The following ME3 variants were observed in gnomAD, a reference collection of about 807,000 sequenced individuals.
The protein encoded by ME3 is malic enzyme 3.
In ME3, 48 loss-of-function variants were observed where a neutral mutation model predicts 68.9. That is an observed-to-expected ratio of 0.70 (90% CI 0.55 to 0.89). ME3 has a LOEUF of 0.89. ME3 is among the 40% of genes least tolerant of loss of function. ME3 has a pLI of 0.00. For synonymous variants in ME3, 320 were observed against 318.8 expected (o/e 1.00, Z -0.04); for missense variants, 675 against 797.4 (o/e 0.85, Z 1.85).
intron 4 of ME3, among the ~76,000 whole-genome samples, chr11:86,546,929 A>G (rs1169017263): frequency 1.3e-5 from 2 of 151,518 alleles, no homozygotes; most frequent in Admixed American, 6.6e-5. Flanking sequence ...ATGCCCATCA[A>G]TGATAGACTG....
At position 86,518,002 on chromosome 11, in the gene ME3, G is replaced by A. The variant is rs11234671; in HGVS notation, c.468-9135C>T. On this transcript the variant is annotated intron_variant, in intron 4 of 14. Transcript: ENST00000543262. ...ATATATATCAGGAACATGACCTAGG[G>A]CTTGGCATGTGGTAAATTCTCCAAA... 5.9e-5 allele frequency among the ~76,000 whole-genome samples: 9 copies of A among 152,302 alleles called. No individual in the cohort carries two copies. The East Asian group carries it at 9.6e-4, about 16-fold the overall frequency.
chr11:86,645,821 G>C (rs1007426781), intron 2 of ME3, among the ~76,000 whole-genome samples: 1 of 152,164 alleles, frequency 6.6e-6, no homozygotes, highest in Non-Finnish European at 1.5e-5. Flanking sequence ...CATCTGGGAG[G>C]TGCCCCTCTG....
At chr11:86,528,182 C>T (rs1250037867) in intron 4 of ME3, among the ~76,000 whole-genome samples, 1 of 151,656 alleles carries the variant, frequency 6.6e-6, no homozygotes, top group Non-Finnish European at 1.5e-5. Context: ...AAATGGAAAA[C>T]AAAAAAAGGC....
intron 2 of ME3, among the ~76,000 whole-genome samples, chr11:86,627,093 T>C (rs1421863031): frequency 6.6e-6 from 1 of 152,182 alleles, no homozygotes; most frequent in South Asian, 2.1e-4. Flanking sequence ...ACTTAAGAAC[T>C]GCTGTGGTCA....
intron 7 of ME3, among the ~76,000 whole-genome samples, chr11:86,477,641 A>G (rs969824259): frequency 6.6e-6 from 1 of 152,148 alleles, no homozygotes; most frequent in African/African-American, 2.4e-5. Context: ...CTGCTAAGAG[A>G]AAATGAAAAG....
intron 4 of ME3, among the ~76,000 whole-genome samples, chr11:86,555,709 T>C (rs1201453301): frequency 6.6e-6 from 1 of 152,214 alleles, no homozygotes; most frequent in Non-Finnish European, 1.5e-5. Flanking sequence ...AAGATTGTTT[T>C]TCCAAATTAA....
intron 4 of ME3, among the ~76,000 whole-genome samples, chr11:86,535,554 T>C (rs1473140860): frequency 6.6e-6 from 1 of 152,218 alleles, no homozygotes; most frequent in Non-Finnish European, 1.5e-5. Flanking sequence ...GGATAAAGTC[T>C]ATCCTTTATC....
chr11:86,449,298 C>T (rs1027135342), intron 10 of ME3, among the ~76,000 whole-genome samples: 2 of 152,200 alleles, frequency 1.3e-5, no homozygotes, highest in African/African-American at 2.4e-5. Context: ...GACTGTTTCT[C>T]TCTCATTCAT....
At chr11:86,656,516 C>T (rs565979520) in intron 2 of ME3, among the ~76,000 whole-genome samples, 151 of 149,384 alleles carry the variant, frequency 1.0e-3, no homozygotes, top group Middle Eastern at 3.5e-3. Context: ...CCAAACACTT[C>T]ATGTTCTCAC....
intron 5 of ME3, among the ~76,000 whole-genome samples, chr11:86,502,342 T>C (rs763768298): frequency 7.2e-5 from 11 of 152,212 alleles, no homozygotes; most frequent in Admixed American, 5.2e-4. Context: ...CCTTGTATTA[T>C]AGTTATGTAC....
intron 2 of ME3, among the ~76,000 whole-genome samples, chr11:86,620,029 T>C (rs996941255): frequency 6.6e-6 from 1 of 152,112 alleles, no homozygotes; most frequent in African/African-American, 2.4e-5. Flanking sequence ...AACATGTCAG[T>C]ATTTTTTACA....
intron 2 of ME3, among the ~76,000 whole-genome samples, chr11:86,598,466 C>A (rs559340178): frequency 1.3e-5 from 2 of 152,216 alleles, no homozygotes; most frequent in Non-Finnish European, 2.9e-5. Context: ...CTGGGTGGAG[C>A]CCACCACAGC....
At chr11:86,462,694 G>T in intron 8 of ME3, 1 of 830,394 alleles carries the variant, frequency 1.2e-6, no homozygotes, top group Non-Finnish European at 1.8e-6. Context: ...AACAAGAATG[G>T]ATAAGGCATG....
intron 2 of ME3, among the ~76,000 whole-genome samples, chr11:86,654,407 T>A (rs1339759408): frequency 2.0e-5 from 3 of 152,228 alleles, no homozygotes; most frequent in Non-Finnish European, 4.4e-5. Flanking sequence ...CATGATCAAG[T>A]GGGCTTCACC....
intron 4 of ME3, among the ~76,000 whole-genome samples, chr11:86,515,737 G>A (rs1452390288): frequency 6.6e-6 from 1 of 152,112 alleles, no homozygotes; most frequent in Admixed American, 6.5e-5. Context: ...TCATTTAGGT[G>A]CCAAGGAGCT....
downstream of ME3, chr11:86,436,299 T>G (rs2138562351): frequency 6.6e-6 from 1 of 152,306 alleles, no homozygotes; most frequent in South Asian, 2.1e-4. Context: ...TGTTAGCCAT[T>G]CACCTATCTT....
At chr11:86,568,517 G>A (rs1301843641) in intron 2 of ME3, among the ~76,000 whole-genome samples, 2 of 152,188 alleles carry the variant, frequency 1.3e-5, no homozygotes, top group African/African-American at 4.8e-5. Flanking sequence ...TTCAGCTACT[G>A]AACTCTATTT....
chr11:86,560,726 A>ATGTGTGTG (rs763026313), intron 2 of ME3, among the ~76,000 whole-genome samples: 3 of 106,070 alleles, frequency 2.8e-5, no homozygotes, highest in South Asian at 3.1e-4. Context: ...GTGTGTGTGT[A>ATGTGTGTG]TGTGTGTGTG....
At chr11:86,637,349 C>CAAAAAAAAAAAAAAAAAAAAAAACCAAA (rs11402713) in intron 2 of ME3, among the ~76,000 whole-genome samples, 1 of 122,080 alleles carries the variant, frequency 8.2e-6, no homozygotes, top group Non-Finnish European at 1.7e-5. Context: ...ACAAGAAGCA[C>CAAAAAAAAAAAAAAAAAAAAAAACCAAA]AAAAAAAAAA....
Sources: allele counts gnomAD v4.1 joint callset (sites outside exome capture counted in the v4.1 genomes callset), GRCh38; gene constraint gnomAD v4.1.1; transcripts MANE v1.5; gene names NCBI Gene and HGNC (gene_info 2026-07-23, HGNC 2026-07-21).